Variants in PLEKHA7 observed in about 807,000 individuals in gnomAD.
The protein encoded by PLEKHA7 is pleckstrin homology domain-containing family A member 7.
Under a neutral mutation model 170.0 loss-of-function variants are expected in PLEKHA7, and 104 were observed. The ratio of observed to expected loss-of-function variants is 0.61; its 90% CI spans 0.52 to 0.72. The LOEUF is 0.72. Among genes scored for constraint, PLEKHA7 ranks in the 30% least tolerant of loss-of-function variants. The pLI is 0.00. For synonymous variants in PLEKHA7, 648 were observed against 660.8 expected (o/e 0.98, Z 0.30); for missense variants, 1,615 against 1,671.7 (o/e 0.97, Z 0.59).
intron 4 of PLEKHA7, among the ~76,000 whole-genome samples, chr11:16,864,070 T>G (rs1405635751): frequency 6.6e-6 from 1 of 152,198 alleles, no homozygotes; most frequent in Non-Finnish European, 1.5e-5. Context: ...GCACTGAGTA[T>G]GGACAAGGAA....
intron 3 of PLEKHA7, among the ~76,000 whole-genome samples, chr11:16,987,524 T>C (rs533865919): frequency 6.6e-6 from 1 of 152,204 alleles, no homozygotes; most frequent in South Asian, 2.1e-4. Flanking sequence ...GGGCATTGGT[T>C]CTAACCTTTG....
At chr11:16,956,925 G>C (rs555929287) in intron 3 of PLEKHA7, among the ~76,000 whole-genome samples, 1 of 152,116 alleles carries the variant, frequency 6.6e-6, no homozygotes, top group African/African-American at 2.4e-5. Context: ...GAAAGATAAA[G>C]ACAGCCCAGA....
At chr11:16,938,125 T>C (rs1302391983) in intron 3 of PLEKHA7, among the ~76,000 whole-genome samples, 1 of 152,166 alleles carries the variant, frequency 6.6e-6, no homozygotes, top group Non-Finnish European at 1.5e-5. Context: ...TATTTTATCA[T>C]TGTATCTAGT....
At chr11:16,924,382 A>T (rs1859331048) in intron 3 of PLEKHA7, among the ~76,000 whole-genome samples, 1 of 152,194 alleles carries the variant, frequency 6.6e-6, no homozygotes, top group Non-Finnish European at 1.5e-5. Flanking sequence ...GGAGCACGCA[A>T]GGAGGTTTTC....
intron 5 of PLEKHA7, chr11:16,855,594 C>G: frequency 1.8e-6 from 1 of 570,692 alleles, no homozygotes; most frequent in Non-Finnish European, 3.1e-6. Flanking sequence ...CTATAGACAC[C>G]AGTGCTGGGT....
At chr11:16,897,418 A>G (rs145439570) in intron 3 of PLEKHA7, among the ~76,000 whole-genome samples, 2,363 of 152,288 alleles carry the variant, frequency 0.016, 60 homozygotes, top group African/African-American at 0.054. Flanking sequence ...TATAGTGCAG[A>G]AACCCCAAAG....
chr11:16,968,957 G>A (rs1862548353), intron 3 of PLEKHA7, among the ~76,000 whole-genome samples: 1 of 152,164 alleles, frequency 6.6e-6, no homozygotes, highest in African/African-American at 2.4e-5. Context: ...TCCTACTTAA[G>A]TCCATTTAGG....
chr11:16,790,546 C>T lies in PLEKHA7; in HGVS notation c.3052+252G>A, dbSNP rs151245578. 1.4e-4 allele frequency: 70 copies of T among 493,946 alleles called. No homozygotes were observed. The East Asian group carries it at 1.6e-3, about 12-fold the overall frequency. The allele number at this position is 493,946 out of a possible 1,614,324, so 30.6% of individuals were successfully genotyped here. A position where few individuals can be genotyped will look rare whatever the true frequency, so the allele number is the denominator to read the frequency against. On this transcript the variant is annotated intron_variant, in intron 21 of 26. Coordinates refer to ENST00000531066, the MANE Select transcript of PLEKHA7 (RefSeq NM_001329630.2). ...ATCATGTCTATATAAAGTGCTTAAACAGTGCCAGGCTTTCTAGTAACTGCT... is the reference window on the plus strand; with the variant it reads ...ATCATGTCTATATAAAGTGCTTAAATAGTGCCAGGCTTTCTAGTAACTGCT...
At chr11:16,930,089 C>T (rs779903933) in intron 3 of PLEKHA7, among the ~76,000 whole-genome samples, 1 of 152,118 alleles carries the variant, frequency 6.6e-6, no homozygotes, top group South Asian at 2.1e-4. Flanking sequence ...GATGCTTTGG[C>T]GCAAGGCTGT....
chr11:16,812,817 C>T (rs151066574), intron 13 of PLEKHA7, among the ~76,000 whole-genome samples: 6 of 152,336 alleles, frequency 3.9e-5, no homozygotes, highest in Non-Finnish European at 8.8e-5. Context: ...GAAGAAGCGA[C>T]TGGTTGCTTT....
At chr11:17,004,978 G>A (rs1864895293) in intron 3 of PLEKHA7, among the ~76,000 whole-genome samples, 1 of 152,164 alleles carries the variant, frequency 6.6e-6, no homozygotes, top group Non-Finnish European at 1.5e-5. Flanking sequence ...CTTACACTGA[G>A]CAAAGAGATT....
intron 9 of PLEKHA7, among the ~76,000 whole-genome samples, chr11:16,834,933 A>G (rs1224265274): frequency 6.6e-6 from 1 of 152,188 alleles, no homozygotes; most frequent in African/African-American, 2.4e-5. Flanking sequence ...ATTAATGTCT[A>G]TCATGGAATT....
chr11:16,831,228 C>T (rs1375829244), intron 9 of PLEKHA7, among the ~76,000 whole-genome samples: 3 of 152,160 alleles, frequency 2.0e-5, no homozygotes, highest in Admixed American at 2.0e-4. Context: ...ATTCCCTACT[C>T]CCCCACCTTA....
chr11:16,972,367 C>T (rs1369387897), intron 3 of PLEKHA7, among the ~76,000 whole-genome samples: 1 of 152,060 alleles, frequency 6.6e-6, no homozygotes, highest in Non-Finnish European at 1.5e-5. Context: ...AGCAATTCTC[C>T]TGCCTCAGCC....
chr11:16,942,011 A>C (rs1471023251), intron 3 of PLEKHA7, among the ~76,000 whole-genome samples: 1 of 152,218 alleles, frequency 6.6e-6, no homozygotes, highest in Non-Finnish European at 1.5e-5. Context: ...TAACTGAATG[A>C]ATCCAGTGTT....
At chr11:16,852,556 G>A (rs1853064081) in intron 6 of PLEKHA7, among the ~76,000 whole-genome samples, 1 of 152,056 alleles carries the variant, frequency 6.6e-6, no homozygotes, top group African/African-American at 2.4e-5. Flanking sequence ...AGAAAGCAGG[G>A]TTTTTATTTT....
At chr11:16,963,181 T>C (rs1862171269) in intron 3 of PLEKHA7, among the ~76,000 whole-genome samples, 1 of 152,188 alleles carries the variant, frequency 6.6e-6, no homozygotes, top group Non-Finnish European at 1.5e-5. Context: ...GGGACAGGGA[T>C]GGTGACATTA....
chr11:16,888,941 TAAAAAAA>T (rs59807490), intron 3 of PLEKHA7, among the ~76,000 whole-genome samples: 1 of 136,370 alleles, frequency 7.3e-6, no homozygotes, highest in Non-Finnish European at 1.6e-5. Flanking sequence ...TACTAAAAAT[TAAAAAAA>T]AAAAAAAAAA....
Position 16,789,336 on chromosome 11 carries a change from TG to T in PLEKHA7, c.3157-41del, listed in dbSNP as rs1454915094. The stretch of plus-strand genomic sequence containing the variant: ...GCAGGCAAGAGAGACACAGAACAGC[TG>T]GGCTGGGCACGCAGAGGACAGCCAC... On this transcript the variant is annotated intron_variant, in intron 22 of 26. Transcript: ENST00000531066. The surrounding 1 kb of genome is among the most constrained non-coding windows in gnomAD (Gnocchi z 4.6). The T allele has an allele frequency of 6.3e-7, 1 of 1,599,164 alleles. No individual in the cohort carries two copies. The highest frequency in any genetic ancestry group is 8.5e-7 in the Non-Finnish European group (1 of 1,170,752).
Sources: gnomAD v4.1 joint callset for allele counts (sites outside exome capture counted in the v4.1 genomes callset) on GRCh38, gnomAD v4.1.1 for gene constraint, Gnocchi (gnomAD v3.1) non-coding constraint, MANE v1.5 for transcripts, NCBI Gene and HGNC (gene_info 2026-07-23, HGNC 2026-07-21) for gene names.